ERG: variants seen among roughly 807,000 people sequenced by gnomAD.
ERG encodes the protein ETS transcription factor ERG.
Under a neutral mutation model 55.3 loss-of-function variants are expected in ERG, and 9 were observed. The ratio of observed to expected loss-of-function variants is 0.16; its 90% confidence interval spans 0.10 to 0.28. ERG has a LOEUF of 0.28. Among genes scored for constraint, ERG ranks in the 10% least tolerant of loss-of-function variants. The pLI is 1.00. For synonymous variants in ERG, 223 were observed against 237.3 expected, an observed-to-expected ratio of 0.94 and a Z score of 0.55; for missense variants, 434 against 631.6, an observed-to-expected ratio of 0.69 and a Z score of 3.35.
At chr21:38,434,898 C>T (rs924920170) in intron 2 of ERG, among the ~76,000 whole-genome samples, 3 of 152,148 alleles carry the variant, frequency 2.0e-5, no homozygotes, top group Non-Finnish European at 2.9e-5. Flanking sequence ...AACTGTACCT[C>T]GGTGAACTCT....
chr21:38,507,333 C>T (rs978582052), intron 2 of ERG, among the ~76,000 whole-genome samples: 3 of 152,190 alleles, frequency 2.0e-5, no homozygotes, highest in Non-Finnish European at 2.9e-5. Context: ...GACCCCGATG[C>T]GTCATTTAAT....
chr21:38,418,355 T>C (rs918321636), intron 3 of ERG, among the ~76,000 whole-genome samples: 3 of 151,280 alleles, frequency 2.0e-5, no homozygotes, highest in African/African-American at 4.9e-5. Flanking sequence ...GGTGCAATCA[T>C]GGTTCACTGC....
chr21:38,641,939 G>A (rs1171507745), intron 1 of ERG, among the ~76,000 whole-genome samples: 1 of 152,150 alleles, frequency 6.6e-6, no homozygotes, highest in Non-Finnish European at 1.5e-5. Flanking sequence ...CAATTGGCCT[G>A]GGATAGGACC....
intron 1 of ERG, among the ~76,000 whole-genome samples, chr21:38,457,370 A>T (rs904629089): frequency 6.6e-6 from 1 of 151,604 alleles, no homozygotes; most frequent in Non-Finnish European, 1.5e-5. Context: ...TGGGGGACAG[A>T]GGTTGCAGTG....
chr21:38,442,128 G>A (rs576281826), intron 2 of ERG, among the ~76,000 whole-genome samples: 21 of 152,320 alleles, frequency 1.4e-4, no homozygotes, highest in South Asian at 2.1e-4. Flanking sequence ...TGTCAAGGCC[G>A]GGCGCGGTGG....
chr21:38,640,398 A>G (rs2060416662), intron 1 of ERG, among the ~76,000 whole-genome samples: 1 of 152,220 alleles, frequency 6.6e-6, no homozygotes, highest in Non-Finnish European at 1.5e-5. Flanking sequence ...GAGAAAATTG[A>G]TAATGTCTGA....
At chr21:38,582,921 G>C (rs1265681709) in intron 1 of ERG, among the ~76,000 whole-genome samples, 1 of 152,148 alleles carries the variant, frequency 6.6e-6, no homozygotes, top group African/African-American at 2.4e-5. Flanking sequence ...TAATTAAAAT[G>C]TTGCAACTTT....
intron 1 of ERG, among the ~76,000 whole-genome samples, chr21:38,472,823 C>A (rs1301723023): frequency 6.6e-6 from 1 of 152,248 alleles, no homozygotes; most frequent in Non-Finnish European, 1.5e-5. Flanking sequence ...GCGCTTGGAG[C>A]TCAGACCTGC....
intron 1 of ERG, chr21:38,451,294 A>G (rs556003053): frequency 4.3e-6 from 2 of 462,362 alleles, no homozygotes; most frequent in East Asian, 1.3e-4. Context: ...AGCCTAGGGG[A>G]TGTGTAGCAA....
At chr21:38,508,323 T>C (rs1363359298) in intron 2 of ERG, among the ~76,000 whole-genome samples, 1 of 151,944 alleles carries the variant, frequency 6.6e-6, no homozygotes, top group African/African-American at 2.4e-5. Context: ...CTAAGAAGCC[T>C]CCCAAATCTG....
intron 2 of ERG, among the ~76,000 whole-genome samples, chr21:38,567,029 A>G (rs141377142): frequency 4.6e-5 from 7 of 152,076 alleles, no homozygotes; most frequent in Middle Eastern, 3.4e-3. Flanking sequence ...GGTGCCCCCT[A>G]CTGAATGTCA....
intron 3 of ERG, among the ~76,000 whole-genome samples, chr21:38,411,705 T>C (rs1361509560): frequency 1.3e-5 from 2 of 152,208 alleles, no homozygotes; most frequent in African/African-American, 4.8e-5. Context: ...AAGAAATGCA[T>C]ATTCTCTAAT....
At chr21:38,609,044 C>A (rs2060211333) in intron 1 of ERG, among the ~76,000 whole-genome samples, 1 of 152,094 alleles carries the variant, frequency 6.6e-6, no homozygotes, top group Non-Finnish European at 1.5e-5. Flanking sequence ...TTCTTGGGGA[C>A]AAGGGGATGG....
At chr21:38,452,395 G>A (rs957447099) in intron 1 of ERG, among the ~76,000 whole-genome samples, 3 of 152,016 alleles carry the variant, frequency 2.0e-5, no homozygotes, top group Admixed American at 6.5e-5. Context: ...ATATATAAGT[G>A]TATGCATATA....
chr21:38,562,308 T>G (rs1368752422), intron 2 of ERG, among the ~76,000 whole-genome samples: 1 of 152,216 alleles, frequency 6.6e-6, no homozygotes, highest in Non-Finnish European at 1.5e-5. Context: ...GCCCTGATAG[T>G]TTCCACTTTA....
rs188234282 is a variant in ERG at position 38,581,781 on chromosome 21, C to T, written c.-127+3063G>A. The stretch of plus-strand genomic sequence containing the variant: ...AGAGGCGGCCAGGCGCGGTGGCTCA[C>T]GCCTGTAATCCCAGCACCTTGGGAG... On this transcript the variant is annotated intron_variant, in intron 1 of 8. Coordinates refer to the ERG transcript ENST00000398897. 5.1e-3 allele frequency among the ~76,000 whole-genome samples: 778 copies of T among 152,272 alleles called. 4 individuals carry two copies. Among genetic ancestry groups the T allele is most frequent in the African/African-American group, 0.017 (688 of 41,560 alleles).
At chr21:38,549,378 G>A (rs2059809196) in intron 2 of ERG, among the ~76,000 whole-genome samples, 1 of 152,050 alleles carries the variant, frequency 6.6e-6, no homozygotes, top group Non-Finnish European at 1.5e-5. Context: ...CCTGGACAGG[G>A]AGAGATCTAA....
chr21:38,391,386 T>C (rs1987964255), intron 8 of ERG, among the ~76,000 whole-genome samples: 1 of 152,170 alleles, frequency 6.6e-6, no homozygotes, highest in South Asian at 2.1e-4. Context: ...GCATGGAAAG[T>C]AAAATCTAAA....
intron 6 of ERG, among the ~76,000 whole-genome samples, chr21:38,394,723 A>G (rs1030437725): frequency 5.3e-5 from 8 of 152,168 alleles, no homozygotes; most frequent in African/African-American, 1.9e-4. Flanking sequence ...CCTGCTCTAG[A>G]CCATTGCTCT....
Sources: allele counts gnomAD v4.1 joint callset (sites outside exome capture counted in the v4.1 genomes callset), GRCh38; gene constraint gnomAD v4.1.1; transcripts MANE v1.5; gene names NCBI Gene and HGNC (gene_info 2026-07-23, HGNC 2026-07-21).